Variants in VWA3B observed in about 807,000 individuals in gnomAD.
VWA3B encodes von Willebrand factor A domain containing 3B, also known as von Willebrand factor A domain-containing protein 3B.
In VWA3B, 138 loss-of-function variants were observed where a neutral mutation model predicts 158.3. The ratio of observed to expected loss-of-function variants is 0.87; its 90% CI spans 0.76 to 1.00. The LOEUF (loss-of-function observed/expected upper bound fraction) is 1.00. Ranked by LOEUF, VWA3B falls within the 50% of genes least tolerant of loss-of-function variation. The probability of loss-of-function intolerance (pLI) is 0.00; values close to 1 mark genes in which losing one functional copy is unlikely to be tolerated. For missense variants in VWA3B, 1,555 were observed against 1,565.1 expected, an observed-to-expected ratio of 0.99 and a Z score of 0.11; for synonymous variants, 596 against 587.3, an observed-to-expected ratio of 1.01 and a Z score of -0.21.
intron 3 of VWA3B, 137 bp from the exon 4 acceptor site, chr2:98,119,376 T>C (rs1674777884): frequency 6.2e-6 from 6 of 974,888 alleles, no homozygotes; most frequent in Non-Finnish European, 8.8e-6. Flanking sequence ...GACTGGAACC[T>C]TTTCTCCTGG....
In VWA3B at chr2:98,211,118, G is replaced by T. The variant is rs183135222; in HGVS notation, c.1738-812G>T. 2.2e-4 allele frequency among the ~76,000 whole-genome samples: 34 copies of T among 152,328 alleles called. No homozygotes were observed. The East Asian group carries it at 6.2e-3, about 28-fold the overall frequency. The stretch of plus-strand genomic sequence containing the variant: ...TTCCTGATGAGAGGTCCCAACCCAG[G>T]TTATCCTGTCCATTGGTGATGCTGT... On this transcript the variant is annotated intron_variant, in intron 12 of 27. Transcript: ENST00000477737.
At chr2:98,202,516 A>G (rs936906909) in intron 12 of VWA3B, among the ~76,000 whole-genome samples, 4 of 151,608 alleles carry the variant, frequency 2.6e-5, no homozygotes, top group African/African-American at 9.7e-5. Context: ...GATTCCTGCT[A>G]TCTTTATTAT....
At chr2:98,219,868 G>A (rs1247322206) in intron 14 of VWA3B, among the ~76,000 whole-genome samples, 1 of 152,028 alleles carries the variant, frequency 6.6e-6, no homozygotes, top group Non-Finnish European at 1.5e-5. Context: ...GACTTTTTAA[G>A]ATATATAAAA....
chr2:98,223,893 G>C (rs1266582623), intron 14 of VWA3B, among the ~76,000 whole-genome samples: 1 of 151,890 alleles, frequency 6.6e-6, no homozygotes, highest in Non-Finnish European at 1.5e-5. Context: ...ACCATGCGTG[G>C]CTAATTTTTT....
intron 7 of VWA3B, among the ~76,000 whole-genome samples, chr2:98,159,437 C>T (rs559224446): frequency 2.6e-5 from 4 of 152,006 alleles, no homozygotes; most frequent in South Asian, 2.1e-4. Flanking sequence ...TTAGTAGAGA[C>T]GGAGTTTCAC....
intron 26 of VWA3B, among the ~76,000 whole-genome samples, chr2:98,311,558 C>T (rs1260993780): frequency 6.6e-6 from 1 of 152,124 alleles, no homozygotes; most frequent in Non-Finnish European, 1.5e-5. Context: ...GTTGTTCCTT[C>T]ACTGGCTTGG....
chr2:98,141,762 C>T (rs1015979821), intron 7 of VWA3B, among the ~76,000 whole-genome samples: 1 of 152,166 alleles, frequency 6.6e-6, no homozygotes, highest in Non-Finnish European at 1.5e-5. Flanking sequence ...ATTCTTTGAA[C>T]CTTAATCTTA....
intron 9 of VWA3B, among the ~76,000 whole-genome samples, chr2:98,183,787 T>C (rs1164939512): frequency 1.3e-5 from 2 of 152,240 alleles, no homozygotes; most frequent in Non-Finnish European, 2.9e-5. Context: ...GATGAGATGT[T>C]GAACAAATCA....
chr2:98,113,042 C>T (rs889608199), intron 2 of VWA3B, among the ~76,000 whole-genome samples: 2 of 151,268 alleles, frequency 1.3e-5, no homozygotes, highest in African/African-American at 4.9e-5. Flanking sequence ...TCTTTCCCTC[C>T]AACATTATAT....
intron 7 of VWA3B, among the ~76,000 whole-genome samples, chr2:98,136,855 A>T (rs77691096): frequency 6.6e-6 from 1 of 152,232 alleles, no homozygotes; most frequent in East Asian, 1.9e-4. Flanking sequence ...TCCTTTCTGA[A>T]TTTGACTACT....
At position 98,143,240 on chromosome 2, in the gene VWA3B, T is replaced by C. The variant is rs557346716; in HGVS notation, c.988+9301T>C. ...TTTTAGTGGAGACGAGGTTTCACCATGTTGGGCAGGCTGGTCATGAACTCC... is the reference window on the plus strand; with the variant it reads ...TTTTAGTGGAGACGAGGTTTCACCACGTTGGGCAGGCTGGTCATGAACTCC... On this transcript the variant is annotated intron_variant, in intron 7 of 27. Transcript: ENST00000477737. 2.0e-5 allele frequency among the ~76,000 whole-genome samples: 3 copies of C among 152,194 alleles called. No homozygotes were observed. In the South Asian group the frequency reaches 6.2e-4, roughly 32 times the overall value.
At chr2:98,095,542 T>C (rs964966402) in intron 2 of VWA3B, among the ~76,000 whole-genome samples, 1 of 152,234 alleles carries the variant, frequency 6.6e-6, no homozygotes, top group Non-Finnish European at 1.5e-5. Context: ...GGATTTTCTC[T>C]GTATAAGATT....
intron 7 of VWA3B, among the ~76,000 whole-genome samples, chr2:98,158,693 G>C (rs1678308761): frequency 9.1e-6 from 1 of 109,522 alleles, no homozygotes; most frequent in Non-Finnish European, 1.8e-5. Flanking sequence ...GGGAGTAGGA[G>C]GCAGCTCACC....
rs551071032 is a variant in VWA3B, at chr2:98,274,169, G to A, written c.3045+3286G>A. On this transcript the variant is annotated intron_variant, in intron 22 of 27. Coordinates refer to ENST00000477737, the MANE Select transcript of VWA3B (RefSeq NM_144992.5). ...GGATACCTTATATTGGACACAAAAT[G>A]GGGATTTGTTAGCTGTGTTGAATGC... Among the ~76,000 whole-genome samples, 47 of 152,284 alleles carry A rather than the reference G, an allele frequency of 3.1e-4. No individual in the cohort carries two copies. The South Asian group carries it at 9.7e-3, about 32-fold the overall frequency.
chr2:98,222,888 C>G (rs962277916), intron 14 of VWA3B, among the ~76,000 whole-genome samples: 1 of 152,120 alleles, frequency 6.6e-6, no homozygotes, highest in Non-Finnish European at 1.5e-5. Context: ...AAATAGGACC[C>G]AGAATCTTCT....
intron 9 of VWA3B, among the ~76,000 whole-genome samples, chr2:98,186,436 G>T (rs1019608900): frequency 6.6e-6 from 1 of 151,930 alleles, no homozygotes; most frequent in African/African-American, 2.4e-5. Flanking sequence ...GACTACTGCC[G>T]TGCTACCTGG....
chr2:98,107,390 A>C (rs1004106016), intron 2 of VWA3B, among the ~76,000 whole-genome samples: 1 of 152,076 alleles, frequency 6.6e-6, no homozygotes, highest in African/African-American at 2.4e-5. Context: ...CATTCTCTAG[A>C]AGATGTTTTG....
intron 12 of VWA3B, 102 bp from the exon 13 acceptor site, chr2:98,211,828 C>T (rs1683543977): frequency 2.1e-6 from 2 of 931,532 alleles, no homozygotes; most frequent in Non-Finnish European, 3.3e-6. Context: ...TCTTTCATCT[C>T]ATAGGTACTT....
At chr2:98,272,165 C>A (rs1347807722) in intron 22 of VWA3B, among the ~76,000 whole-genome samples, 1 of 152,208 alleles carries the variant, frequency 6.6e-6, no homozygotes, top group African/African-American at 2.4e-5. Flanking sequence ...CTGGCCCTCC[C>A]AACACATCAG....
Sources: allele counts gnomAD v4.1 joint callset (sites outside exome capture counted in the v4.1 genomes callset), GRCh38; gene constraint gnomAD v4.1.1; transcripts MANE v1.5; gene names NCBI Gene and HGNC (gene_info 2026-07-23, HGNC 2026-07-21).